Variants in SNU13 observed in about 807,000 individuals in gnomAD.
The protein encoded by SNU13 is NHP2-like protein 1.
In SNU13, 2 loss-of-function variants were observed where a neutral mutation model predicts 12.4. The ratio of observed to expected loss-of-function variants is 0.16; its 90% CI spans 0.07 to 0.51. The LOEUF (loss-of-function observed/expected upper bound fraction) is 0.51. SNU13 is among the 20% of genes least tolerant of loss of function. The pLI is 0.96. For synonymous variants in SNU13, 68 were observed against 66.5 expected (o/e 1.02, Z -0.11); for missense variants, 66 against 157.8 (o/e 0.42, Z 3.12).
At position 41,674,188 on chromosome 22, in the gene SNU13, A is replaced by C. The variant is rs2068189920; in HGVS notation, c.*745T>G. ...TGATCTTCCTGGAATCCTTCATGCC[A>C]GCATCAGTTCATGCTCTCTGAGCTT... On this transcript the variant is annotated 3_prime_UTR_variant, in exon 3 of 3. Transcript: ENST00000401959. 1.3e-5 allele frequency: 2 copies of C among 152,550 alleles called. No homozygotes were observed. Among genetic ancestry groups the C allele is most frequent in the South Asian group, 2.1e-4 (1 of 4,828 alleles). The allele number at this position is 152,550 out of a possible 1,614,324, so 9.4% of individuals were successfully genotyped here. A position where few individuals can be genotyped will look rare whatever the true frequency, so the allele number is the denominator to read the frequency against.
At chr22:41,683,630 T>C (rs2147139297) in intron 1 of SNU13, among the ~76,000 whole-genome samples, 1 of 152,324 alleles carries the variant, frequency 6.6e-6, no homozygotes. Flanking sequence ...TTTCATTCAG[T>C]ATATCTGTAA....
At chr22:41,676,888 TTCTCTTAGTA>T (rs2068219292) in intron 2 of SNU13, among the ~76,000 whole-genome samples, 2 of 152,354 alleles carry the variant, frequency 1.3e-5, no homozygotes, top group South Asian at 4.1e-4. Context: ...GTCTTTTTGT[TTCTCTTAGTA>T]TCAGTCTCCC....
chr22:41,678,491 C>G (rs769542396), intron 2 of SNU13, among the ~76,000 whole-genome samples: 4 of 152,160 alleles, frequency 2.6e-5, no homozygotes, highest in Non-Finnish European at 5.9e-5. Flanking sequence ...TCCCTGAACT[C>G]CCAGTAAGCA....
chr22:41,678,142 A>G (rs1030534278), intron 2 of SNU13, among the ~76,000 whole-genome samples: 3 of 151,558 alleles, frequency 2.0e-5, no homozygotes, highest in African/African-American at 7.3e-5. Flanking sequence ...CGCCCGGCTA[A>G]TTTTTTGTAT....
At chr22:41,678,597 T>G (rs2068234636) in intron 2 of SNU13, among the ~76,000 whole-genome samples, 1 of 152,174 alleles carries the variant, frequency 6.6e-6, no homozygotes, top group South Asian at 2.1e-4. Context: ...AAGGTTGCTC[T>G]GTGTCCATGA....
intron 2 of SNU13, among the ~76,000 whole-genome samples, chr22:41,677,458 G>A (rs1054503814): frequency 6.6e-6 from 1 of 152,090 alleles, no homozygotes; most frequent in African/African-American, 2.4e-5. Flanking sequence ...CCAGGAGGTC[G>A]TGGCTGCAGT....
intron 2 of SNU13, among the ~76,000 whole-genome samples, 193 bp from the exon 3 acceptor site, chr22:41,675,388 T>C (rs1481141824): frequency 6.6e-6 from 1 of 151,826 alleles, no homozygotes; most frequent in Non-Finnish European, 1.5e-5. Context: ...CCACCACTTA[T>C]CCTCAAAACA....
chr22:41,681,366 G>A (rs1376343663), intron 1 of SNU13: 1 of 152,278 alleles, frequency 6.6e-6, no homozygotes, highest in South Asian at 2.1e-4. Context: ...TTTGTAGTCA[G>A]CTTGCTTTAA....
At chr22:41,679,534 C>A (rs1203135674) in intron 2 of SNU13, among the ~76,000 whole-genome samples, 1 of 151,456 alleles carries the variant, frequency 6.6e-6, no homozygotes, top group East Asian at 1.9e-4. Flanking sequence ...CCAGCTTGGG[C>A]AACAAGAGCA....
chr22:41,682,619 T>C (rs2068274943), intron 1 of SNU13: 1 of 1,381,354 alleles, frequency 7.2e-7, no homozygotes, highest in Admixed American at 2.9e-5. Context: ...ATGGAGGAGT[T>C]CTCTAAAGGA....
chr22:41,680,456 G>T, intron 1 of SNU13, 92 bp from the exon 2 acceptor site: 1 of 1,383,658 alleles, frequency 7.2e-7, no homozygotes, highest in Non-Finnish European at 9.9e-7. Flanking sequence ...AGACACAGGG[G>T]GCAGCTGCCC....
chr22:41,685,648 G>A (rs1355803017), intron 1 of SNU13, among the ~76,000 whole-genome samples: 2 of 150,318 alleles, frequency 1.3e-5, no homozygotes, highest in African/African-American at 2.4e-5. Context: ...CACTGCACCC[G>A]GCCAACTCCT....
chr22:41,679,747 C>T (rs1367628630), intron 2 of SNU13: 1 of 149,810 alleles, frequency 6.7e-6, no homozygotes, highest in Non-Finnish European at 1.5e-5. Flanking sequence ...AAAATTGGAA[C>T]AATACAGAGA....
At chr22:41,683,042 C>T (rs112185465) in intron 1 of SNU13, among the ~76,000 whole-genome samples, 1,826 of 152,256 alleles carry the variant, frequency 0.012, 40 homozygotes, top group African/African-American at 0.042. Context: ...CTCTGTCACC[C>T]AGGCTGGAGT....
At chr22:41,688,989 G>C, upstream of SNU13, 1 of 1,325,690 alleles carries the variant, frequency 7.5e-7, no homozygotes. Context: ...GCCCTGTGTC[G>C]AAGAAGGAAC....
intron 1 of SNU13, chr22:41,681,706 T>C (rs937896477): frequency 6.5e-6 from 1 of 153,566 alleles, no homozygotes; most frequent in Admixed American, 6.4e-5. Flanking sequence ...GTCATTCAGA[T>C]CTGTGTCAAA....
intron 1 of SNU13, chr22:41,682,309 G>T: frequency 6.4e-7 from 1 of 1,567,492 alleles, no homozygotes; most frequent in Non-Finnish European, 8.8e-7. Flanking sequence ...CGGCACCACA[G>T]CTCTCGGGAG....
chr22:41,678,653 A>G (rs1388582523), intron 2 of SNU13, among the ~76,000 whole-genome samples: 1 of 152,130 alleles, frequency 6.6e-6, no homozygotes, highest in Non-Finnish European at 1.5e-5. Context: ...CTGCCCAGCC[A>G]AGCTGACCTG....
At chr22:41,676,303 CCT>C (rs1270421135) in intron 2 of SNU13, among the ~76,000 whole-genome samples, 2 of 152,250 alleles carry the variant, frequency 1.3e-5, no homozygotes, top group Admixed American at 1.3e-4. Context: ...TGACTGCTTG[CCT>C]CTGTGGCTCA....
Sources: allele counts gnomAD v4.1 joint callset (sites outside exome capture counted in the v4.1 genomes callset), GRCh38; gene constraint gnomAD v4.1.1; transcripts MANE v1.5; gene names NCBI Gene and HGNC (gene_info 2026-07-23, HGNC 2026-07-21).